LRRC36: variants seen among roughly 807,000 people sequenced by gnomAD.
LRRC36 encodes leucine-rich repeat-containing protein 36.
A neutral mutation model predicts 81.1 loss-of-function variants in LRRC36; 62 were observed. The ratio of observed to expected loss-of-function variants is 0.76; its 90% CI spans 0.62 to 0.94. The LOEUF (loss-of-function observed/expected upper bound fraction) is 0.94. Ranked by LOEUF, LRRC36 falls within the 40% of genes least tolerant of loss-of-function variation. The probability of loss-of-function intolerance (pLI) is 0.00; values close to 1 mark genes in which losing one functional copy is unlikely to be tolerated. For synonymous variants in LRRC36, 334 were observed against 348.6 expected, an observed-to-expected ratio of 0.96 and a Z score of 0.47; for missense variants, 761 against 881.7, an observed-to-expected ratio of 0.86 and a Z score of 1.73.
intron 5 of LRRC36, among the ~76,000 whole-genome samples, chr16:67,358,170 T>G (rs1373124675): frequency 6.6e-6 from 1 of 151,672 alleles, no homozygotes; most frequent in Non-Finnish European, 1.5e-5. Flanking sequence ...GCATCAGTTT[T>G]TTTTTTTTTT....
intron 8 of LRRC36, 118 bp from the exon 9 acceptor site, chr16:67,370,826 G>C: frequency 2.6e-6 from 2 of 767,294 alleles, no homozygotes. Context: ...TCAGAGAGTT[G>C]AGGATGTATG....
chr16:67,357,234 A>G (rs926380382), intron 5 of LRRC36, among the ~76,000 whole-genome samples: 1 of 152,184 alleles, frequency 6.6e-6, no homozygotes, highest in Non-Finnish European at 1.5e-5. Context: ...AGACACAACT[A>G]TTATTTAAAG....
rs142552572 is a variant in LRRC36 at position 67,375,486 on chromosome 16, T to C, written c.1660+74T>C. The C allele has an allele frequency of 6.9e-6, 9 of 1,305,246 alleles. No individual in the cohort carries two copies. In the East Asian group the frequency reaches 2.3e-4, roughly 33 times the overall value. 80.9% of individuals were successfully genotyped at this position (1,305,246 alleles called of 1,614,324 possible). ...TGCTCTGTGTTCTGCTAAAAGCCAC[T>C]TAGCTCTCTTCACTTGCAAGGAAAG... On this transcript the variant is annotated intron_variant, in intron 10 of 13. Coordinates refer to ENST00000329956, the MANE Select transcript of LRRC36 (RefSeq NM_018296.6).
At chr16:67,364,317 A>G (rs1292902721) in intron 6 of LRRC36, among the ~76,000 whole-genome samples, 1 of 152,242 alleles carries the variant, frequency 6.6e-6, no homozygotes, top group Non-Finnish European at 1.5e-5. Flanking sequence ...GTGAGTGAAT[A>G]TGATACAAGG....
At chr16:67,342,887 T>C (rs774488852) in intron 2 of LRRC36, among the ~76,000 whole-genome samples, 2 of 152,174 alleles carry the variant, frequency 1.3e-5, no homozygotes, top group African/African-American at 4.8e-5. Flanking sequence ...CTAGGGGATA[T>C]TTGTTCAACA....
At chr16:67,362,482 G>C (rs942502117) in intron 5 of LRRC36, among the ~76,000 whole-genome samples, 6 of 151,976 alleles carry the variant, frequency 3.9e-5, no homozygotes, top group Admixed American at 6.6e-5. Flanking sequence ...TATATATACA[G>C]AGCCTAAAGT....
chr16:67,327,147 C>A, intron 1 of LRRC36: 1 of 457,982 alleles, frequency 2.2e-6, no homozygotes, highest in African/African-American at 2.1e-5. Context: ...GGGCAGAGCC[C>A]GAGGAATTGA....
In LRRC36 at chr16:67,340,512, C is replaced by T. The variant is rs183034234; in HGVS notation, c.71-1445C>T. 4.8e-4 allele frequency among the ~76,000 whole-genome samples: 73 copies of T among 151,812 alleles called. 1 individual carries two copies. The Middle Eastern group carries it at 0.027, about 57-fold the overall frequency. On this transcript the variant is annotated intron_variant, in intron 1 of 13. Transcript: ENST00000329956. ...TCTACCTAAAATACAAAAAATTAGCCGGGTGTGGTGGTGCACACCTGTGTT... is the reference window on the plus strand; with the variant it reads ...TCTACCTAAAATACAAAAAATTAGCTGGGTGTGGTGGTGCACACCTGTGTT...
At chr16:67,372,979 C>T (rs531722963) in intron 9 of LRRC36, among the ~76,000 whole-genome samples, 1 of 152,250 alleles carries the variant, frequency 6.6e-6, no homozygotes, top group South Asian at 2.1e-4. Flanking sequence ...GAGTGAAGAT[C>T]CAGCAACATT....
chr16:67,372,311 C>T (rs181942201), intron 9 of LRRC36, among the ~76,000 whole-genome samples: 4 of 151,444 alleles, frequency 2.6e-5, no homozygotes, highest in Admixed American at 1.3e-4. Flanking sequence ...GAGCCGAGAT[C>T]GCGCCATTGC....
chr16:67,379,491 C>T (rs1412795208), intron 12 of LRRC36, among the ~76,000 whole-genome samples: 8 of 152,018 alleles, frequency 5.3e-5, no homozygotes, highest in Admixed American at 2.0e-4. Context: ...CCAACGTGGG[C>T]GGATCACTTG....
chr16:67,385,030 GAGACTGGTC>G lies in LRRC36; in HGVS notation c.2209_2217del (p.Thr737_Gln739del), dbSNP rs1336878183. The G allele has an allele frequency of 6.2e-7, 1 of 1,614,082 alleles. No individual in the cohort carries two copies. The highest frequency in any genetic ancestry group is 8.5e-7 in the Non-Finnish European group (1 of 1,180,052). On this transcript the variant is annotated inframe_deletion, in exon 14 of 14. Coordinates refer to ENST00000329956, the MANE Select transcript of LRRC36 (RefSeq NM_018296.6). ...GTCTTCCTCCTCACCAGTGGCACAT[GAGACTGGTC>G]AGTATCTAATACAGAGCGTCTTGGA... is the stretch of plus-strand genomic sequence containing the variant.
rs367618831 is a variant in LRRC36 at position 67,382,113 on chromosome 16, G to A, written c.1931-20G>A. 6.7e-6 allele frequency: 10 copies of A among 1,496,724 alleles called. No individual in the cohort carries two copies. Among genetic ancestry groups the A allele is most frequent in the Middle Eastern group, 3.4e-4 (2 of 5,886 alleles). 92.7% of individuals were successfully genotyped at this position (1,496,724 alleles called of 1,614,324 possible). On this transcript the variant is annotated intron_variant, in intron 12 of 13. Coordinates refer to ENST00000329956, the MANE Select transcript of LRRC36 (RefSeq NM_018296.6). ...GCAGCTTGGAATCCTTTTCACCCCT[G>A]GCTACTGTGCCCTTTGTAGATGATC...
intron 5 of LRRC36, among the ~76,000 whole-genome samples, chr16:67,362,810 C>T (rs1302127516): frequency 2.0e-5 from 3 of 151,880 alleles, no homozygotes; most frequent in Non-Finnish European, 4.4e-5. Context: ...TAGAGTCTCA[C>T]TGTGTCGCCC....
chr16:67,332,977 G>A (rs933351884), intron 1 of LRRC36, among the ~76,000 whole-genome samples: 14 of 151,294 alleles, frequency 9.3e-5, no homozygotes, highest in Non-Finnish European at 1.3e-4. Flanking sequence ...CTGCAGTCCC[G>A]ACCTCCTGGG....
chr16:67,362,901 C>T (rs867424024), intron 5 of LRRC36, among the ~76,000 whole-genome samples: 4 of 152,108 alleles, frequency 2.6e-5, no homozygotes, highest in African/African-American at 4.8e-5. Context: ...CCTTAGCCTC[C>T]TGAGTAGCTG....
intron 5 of LRRC36, among the ~76,000 whole-genome samples, chr16:67,357,461 T>G (rs545339920): frequency 3.3e-5 from 5 of 152,318 alleles, no homozygotes; most frequent in Non-Finnish European, 7.3e-5. Flanking sequence ...GCTCTTATAT[T>G]TTTATCTCAG....
chr16:67,331,113 G>GAGAGAGAGAA (rs1567462464), intron 1 of LRRC36, among the ~76,000 whole-genome samples: 4 of 136,136 alleles, frequency 2.9e-5, no homozygotes, highest in African/African-American at 5.4e-5. Context: ...GAGAGAGAGA[G>GAGAGAGAGAA]AAGACTGAAC....
At chr16:67,340,715 T>A (rs906771638) in intron 1 of LRRC36, among the ~76,000 whole-genome samples, 3 of 150,806 alleles carry the variant, frequency 2.0e-5, no homozygotes, top group Admixed American at 6.6e-5. Flanking sequence ...TATATGTATA[T>A]TCTATATATA....
Sources: allele counts gnomAD v4.1 joint callset (sites outside exome capture counted in the v4.1 genomes callset), GRCh38; gene constraint gnomAD v4.1.1; transcripts MANE v1.5; gene names NCBI Gene and HGNC (gene_info 2026-07-23, HGNC 2026-07-21).